PPARGC1A: variants seen among roughly 807,000 people sequenced by gnomAD.
The protein encoded by PPARGC1A is peroxisome proliferator-activated receptor gamma coactivator 1-alpha.
In PPARGC1A, 25 loss-of-function variants were observed where a neutral mutation model predicts 88.7. That is an observed-to-expected ratio of 0.28 (90% confidence interval 0.21 to 0.39). The LOEUF is 0.39. Among genes scored for constraint, PPARGC1A ranks in the 10% least tolerant of loss-of-function variants. The pLI is 1.00. For synonymous variants in PPARGC1A, 363 were observed against 355.6 expected, an observed-to-expected ratio of 1.02 and a Z score of -0.24; for missense variants, 880 against 968.7, an observed-to-expected ratio of 0.91 and a Z score of 1.22.
In PPARGC1A at chr4:23,855,235, AC is replaced by A. The variant is rs543425449; in HGVS notation, c.235-23485del. The stretch of plus-strand genomic sequence containing the variant: ...TTAAACCTCTTTTTCTTTGTAAATC[AC>A]CCAGTCTCAGGTATGTCTTTAGCAG... On this transcript the variant is annotated intron_variant, in intron 2 of 12. Transcript: ENST00000264867. Among the ~76,000 whole-genome samples the A allele has an allele frequency of 4.1e-4, 62 of 152,212 alleles. No homozygotes were observed. The East Asian group carries it at 0.01, about 26-fold the overall frequency.
At chr4:24,276,743 C>T in the PPARGC1A span, among the ~76,000 whole-genome samples, 347 of 152,276 alleles carry the variant, frequency 2.3e-3, 8 homozygotes, top group Non-Finnish European at 1.3e-3. Flanking sequence ...TAGCTTAAGT[C>T]CTCTTATCAG....
At chr4:24,142,113 A>C in the PPARGC1A span, among the ~76,000 whole-genome samples, 1 of 152,194 alleles carries the variant, frequency 6.6e-6, no homozygotes, top group Non-Finnish European at 1.5e-5. Flanking sequence ...CACACAGTCC[A>C]AGCACCTCAC....
the PPARGC1A span, among the ~76,000 whole-genome samples, chr4:24,340,158 T>C: frequency 6.6e-6 from 1 of 152,220 alleles, no homozygotes; most frequent in Admixed American, 6.5e-5. Context: ...AGTTTTAAAA[T>C]GTAGTCATGA....
At chr4:24,002,352 T>C in the PPARGC1A span, among the ~76,000 whole-genome samples, 2 of 152,046 alleles carry the variant, frequency 1.3e-5, no homozygotes, top group Admixed American at 6.6e-5. Flanking sequence ...GGTCTCGATC[T>C]CCTGACCTCG....
chr4:24,008,957 C>A, the PPARGC1A span, among the ~76,000 whole-genome samples: 3 of 151,768 alleles, frequency 2.0e-5, no homozygotes, highest in African/African-American at 7.3e-5. Context: ...TATCTTAAAT[C>A]TTAGGTCATT....
At chr4:24,347,836 TG>T in the PPARGC1A span, among the ~76,000 whole-genome samples, 11 of 152,212 alleles carry the variant, frequency 7.2e-5, no homozygotes, top group Admixed American at 3.3e-4. Context: ...TTTGTTATTT[TG>T]TTTGTTTGTT....
At chr4:24,337,326 C>T in the PPARGC1A span, among the ~76,000 whole-genome samples, 1 of 152,216 alleles carries the variant, frequency 6.6e-6, no homozygotes, top group Non-Finnish European at 1.5e-5. Flanking sequence ...TTCTCTTATT[C>T]ATTCATTCAA....
At chr4:24,190,762 G>A in the PPARGC1A span, among the ~76,000 whole-genome samples, 1 of 152,122 alleles carries the variant, frequency 6.6e-6, no homozygotes, top group African/African-American at 2.4e-5. Context: ...AATTCTACCA[G>A]CTCATTCCTC....
At chr4:24,389,851 T>C in the PPARGC1A span, among the ~76,000 whole-genome samples, 1 of 152,146 alleles carries the variant, frequency 6.6e-6, no homozygotes, top group Non-Finnish European at 1.5e-5. Flanking sequence ...TATAGAGATT[T>C]TAGCTAAGGG....
chr4:23,839,173 A>G (rs1443900555), intron 2 of PPARGC1A, among the ~76,000 whole-genome samples: 1 of 152,220 alleles, frequency 6.6e-6, no homozygotes, highest in African/African-American at 2.4e-5. Flanking sequence ...ATTTGCTTCT[A>G]TCACACATTC....
chr4:24,182,251 G>A, the PPARGC1A span, among the ~76,000 whole-genome samples: 1 of 152,092 alleles, frequency 6.6e-6, no homozygotes. Context: ...GCAGTGTTTG[G>A]TTTTCTGTTC....
chr4:24,364,843 A>G, the PPARGC1A span, among the ~76,000 whole-genome samples: 1 of 152,312 alleles, frequency 6.6e-6, no homozygotes, highest in African/African-American at 2.4e-5. Flanking sequence ...ACAGCTAGTA[A>G]GCTCTCAATA....
chr4:23,982,073 G>C, the PPARGC1A span, among the ~76,000 whole-genome samples: 1 of 152,110 alleles, frequency 6.6e-6, no homozygotes. Context: ...CTCCCTGAGT[G>C]CTGAAAAATA....
At chr4:24,147,126 AC>A in the PPARGC1A span, among the ~76,000 whole-genome samples, 2 of 152,122 alleles carry the variant, frequency 1.3e-5, no homozygotes, top group Non-Finnish European at 2.9e-5. Flanking sequence ...TTTCATTGAC[AC>A]CAACTGTCGC....
At chr4:24,238,864 T>C in the PPARGC1A span, among the ~76,000 whole-genome samples, 1 of 150,092 alleles carries the variant, frequency 6.7e-6, no homozygotes, top group African/African-American at 2.4e-5. Context: ...TGTACCCACA[T>C]GAACATGCTA....
the PPARGC1A span, among the ~76,000 whole-genome samples, chr4:24,470,301 C>CACAG: frequency 1.4e-5 from 2 of 146,380 alleles, no homozygotes; most frequent in African/African-American, 5.2e-5. The surrounding 1 kb of genome is among the most constrained non-coding windows in gnomAD (Gnocchi z 5.8). Flanking sequence ...CACACACACA[C>CACAG]ACACACACAC....
At chr4:24,226,808 C>T in the PPARGC1A span, among the ~76,000 whole-genome samples, 2 of 152,292 alleles carry the variant, frequency 1.3e-5, no homozygotes, top group African/African-American at 4.8e-5. Flanking sequence ...TCTGGCTCAA[C>T]CCCTTCCAGC....
chr4:24,031,058 A>C, the PPARGC1A span, among the ~76,000 whole-genome samples: 1 of 152,104 alleles, frequency 6.6e-6, no homozygotes, highest in Admixed American at 6.6e-5. Flanking sequence ...CTGGGAGACG[A>C]AAAAGGGATG....
At chr4:24,143,149 AG>A in the PPARGC1A span, among the ~76,000 whole-genome samples, 1 of 152,222 alleles carries the variant, frequency 6.6e-6, no homozygotes, top group African/African-American at 2.4e-5. Flanking sequence ...TTTGGGGTAA[AG>A]GAGAATTATG....
Sources: allele counts gnomAD v4.1 joint callset (sites outside exome capture counted in the v4.1 genomes callset), GRCh38; gene constraint gnomAD v4.1.1; non-coding constraint Gnocchi (gnomAD v3.1); transcripts MANE v1.5; gene names NCBI Gene and HGNC (gene_info 2026-07-23, HGNC 2026-07-21).